Variants in MEIOSIN observed in about 807,000 individuals in gnomAD.
MEIOSIN encodes meiosis initiator.
A neutral mutation model predicts 23.4 loss-of-function variants in MEIOSIN; 18 were observed. That is an observed-to-expected ratio of 0.77 (90% confidence interval 0.53 to 1.14). The LOEUF is 1.14. MEIOSIN is among the 50% of genes most tolerant of loss of function. MEIOSIN has a pLI of 0.00. For synonymous variants in MEIOSIN, 187 were observed against 100.6 expected (o/e 1.86, Z -5.14); for missense variants, 428 against 242.9 (o/e 1.76, Z -5.07).
Position 45,764,461 on chromosome 19 carries a change from A to G in MEIOSIN, c.*343A>G, listed in dbSNP as rs1409139399. 7.9e-6 allele frequency: 2 copies of G among 253,392 alleles called. No homozygotes were observed. The highest frequency in any genetic ancestry group is 2.3e-5 in the African/African-American group (1 of 43,274). The allele number at this position is 253,392 out of a possible 1,614,324, so 15.7% of individuals were successfully genotyped here. A position where few individuals can be genotyped will look rare whatever the true frequency, so the allele number is the denominator to read the frequency against. On this transcript the variant is annotated 3_prime_UTR_variant, in exon 15 of 15. Coordinates refer to ENST00000457052, the MANE Select transcript of MEIOSIN (RefSeq NM_001310124.2). The stretch of plus-strand genomic sequence containing the variant: ...ACCCTGTTCATGCTCACCTCACCCT[A>G]CTCCTCCCTCTCCTGTTCTATTTTT...
chr19:45,755,260 C>G (rs1023394937), intron 7 of MEIOSIN, among the ~76,000 whole-genome samples: 7 of 150,734 alleles, frequency 4.6e-5, no homozygotes, highest in African/African-American at 1.7e-4. Flanking sequence ...AGCGACTCTC[C>G]TGCCTCAGTC....
chr19:45,742,508 G>A (rs28535061), intron 3 of MEIOSIN, among the ~76,000 whole-genome samples: 3,006 of 151,916 alleles, frequency 0.02, 96 homozygotes, highest in African/African-American at 0.069. Context: ...GGCCAGGCGC[G>A]GTGGCTCACG....
Position 45,735,460 on chromosome 19 carries a change from C to A in MEIOSIN, c.71+13C>A. On this transcript the variant is annotated intron_variant, in intron 2 of 14. Coordinates refer to ENST00000457052, the MANE Select transcript of MEIOSIN (RefSeq NM_001310124.2). ...GTCCCAGTGACAGGTAAGGGCTTGCCCCATCTCCCTTATAGCCCCAGCCAC... is the reference window on the plus strand; with the variant it reads ...GTCCCAGTGACAGGTAAGGGCTTGCACCATCTCCCTTATAGCCCCAGCCAC... 1 of 700,860 alleles carries A rather than the reference C, an allele frequency of 1.4e-6. No individual in the cohort carries two copies. 43.4% of individuals were successfully genotyped at this position (700,860 alleles called of 1,614,324 possible). A position where few individuals can be genotyped will look rare whatever the true frequency, so the allele number is the denominator to read the frequency against.
chr19:45,739,228 G>A lies in MEIOSIN; in HGVS notation c.72-398G>A, dbSNP rs532195904. ...GAGTGCAGTGGCATGATAGCTCAGCGCAACCTCCGCCTCCTGGGTTCAAGG... is the reference window on the plus strand; with the variant it reads ...GAGTGCAGTGGCATGATAGCTCAGCACAACCTCCGCCTCCTGGGTTCAAGG... On this transcript the variant is annotated intron_variant, in intron 2 of 14. Coordinates refer to ENST00000457052, the MANE Select transcript of MEIOSIN (RefSeq NM_001310124.2). Among the ~76,000 whole-genome samples, 29 of 152,122 alleles carry A rather than the reference G, an allele frequency of 1.9e-4. No homozygotes were observed. In the South Asian group the frequency reaches 5.8e-3, roughly 31 times the overall value.
At chr19:45,763,528 G>A (rs1968991583) in intron 14 of MEIOSIN, 101 bp downstream of exon 14, 1 of 397,738 alleles carries the variant, frequency 2.5e-6, no homozygotes, top group African/African-American at 2.1e-5. Context: ...TGGCATGGGA[G>A]ACTGGGCCGA....
chr19:45,759,970 T>G (rs1968908465), intron 11 of MEIOSIN, among the ~76,000 whole-genome samples: 1 of 151,748 alleles, frequency 6.6e-6, no homozygotes. Context: ...CCCGGCTAAT[T>G]GTGTATTTTT....
intron 5 of MEIOSIN, among the ~76,000 whole-genome samples, chr19:45,752,880 TCTC>T (rs1968740546): frequency 6.6e-6 from 1 of 150,726 alleles, no homozygotes; most frequent in African/African-American, 2.4e-5. Flanking sequence ...GCGCGTGTCT[TCTC>T]ATGCCTGCAA....
chr19:45,738,130 T>C (rs1968439608), intron 2 of MEIOSIN, among the ~76,000 whole-genome samples: 1 of 152,180 alleles, frequency 6.6e-6, no homozygotes, highest in Non-Finnish European at 1.5e-5. Flanking sequence ...AGAGGGAATT[T>C]TCACAGCAGA....
intron 2 of MEIOSIN, among the ~76,000 whole-genome samples, chr19:45,738,998 T>C (rs1352551757): frequency 6.6e-6 from 1 of 152,122 alleles, no homozygotes; most frequent in African/African-American, 2.4e-5. Context: ...ATTTATTGGA[T>C]CATTTAAACA....
chr19:45,746,967 G>A (rs10418603), intron 4 of MEIOSIN, among the ~76,000 whole-genome samples: 68 of 152,168 alleles, frequency 4.5e-4, no homozygotes, highest in Middle Eastern at 6.8e-3. Context: ...TACAGTCCAC[G>A]ATGGTGCTAA....
At chr19:45,760,836 G>A (rs1415012667) in intron 11 of MEIOSIN, among the ~76,000 whole-genome samples, 6 of 151,174 alleles carry the variant, frequency 4.0e-5, no homozygotes, top group Non-Finnish European at 7.4e-5. Flanking sequence ...TCTGAGGCAG[G>A]AGAATCACTT....
intron 9 of MEIOSIN, among the ~76,000 whole-genome samples, chr19:45,757,670 A>C (rs1333930037): frequency 6.6e-6 from 1 of 151,814 alleles, no homozygotes; most frequent in Non-Finnish European, 1.5e-5. Flanking sequence ...ACAGGTGCCC[A>C]CCACCATGCC....
Position 45,739,678 on chromosome 19 carries a change from G to C in MEIOSIN, c.124G>C (p.Glu42Gln), listed in dbSNP as rs776464097. The change falls in exon 3 of 15, where the codon GAA becomes CAA. Residue 42 changes from glutamate to glutamine, a missense_variant. Glu to Gln is a conservative substitution (Grantham distance 29, BLOSUM62 2). Transcript: ENST00000457052. ...AGGGGAAGATAAGGTCAACCCCTCC[G>C]AACCACATGGACTGAGAATGGAGGA... ...VEGEDKVNPSEPHGLRMEEKW... is the reference protein window; with the variant it reads ...VEGEDKVNPSQPHGLRMEEKW... 3.8e-5 allele frequency: 27 copies of C among 703,290 alleles called. No homozygotes were observed. Among genetic ancestry groups the C allele is most frequent in the Non-Finnish European group, 2.9e-5 (11 of 385,094 alleles). The allele number at this position is 703,290 out of a possible 1,614,324, so 43.6% of individuals were successfully genotyped here.
chr19:45,745,334 G>C lies in MEIOSIN; in HGVS notation c.306+13G>C. On this transcript the variant is annotated intron_variant, in intron 4 of 14. Transcript: ENST00000457052. ...GAAGCTCACAAAGGTACAGGGACTA[G>C]AGGAGAGGGGCCAGATTTGGGACGC... The C allele has an allele frequency of 1.4e-6, 1 of 698,888 alleles. No individual in the cohort carries two copies. Among genetic ancestry groups the C allele is most frequent in the Non-Finnish European group, 2.6e-6 (1 of 383,380 alleles). 43.3% of individuals were successfully genotyped at this position (698,888 alleles called of 1,614,324 possible).
chr19:45,753,911 C>T lies in MEIOSIN; in HGVS notation c.556+123C>T, dbSNP rs184096813. ...CCCTGTGCCGGGGTTCAACTCCCAG[C>T]TCCTCCTTGTATTAGCACTGAGGCC... On this transcript the variant is annotated intron_variant, in intron 6 of 14. Transcript: ENST00000457052. The T allele has an allele frequency of 3.6e-5, 22 of 603,410 alleles. 1 individual carries two copies. The African/African-American group carries it at 3.7e-4, about 10-fold the overall frequency. 37.4% of individuals were successfully genotyped at this position (603,410 alleles called of 1,614,324 possible).
chr19:45,747,260 G>C (rs1377553552), intron 4 of MEIOSIN, among the ~76,000 whole-genome samples: 2 of 152,150 alleles, frequency 1.3e-5, no homozygotes, highest in African/African-American at 4.8e-5. Context: ...CAGACAACCC[G>C]CATCCCGGGG....
intron 4 of MEIOSIN, among the ~76,000 whole-genome samples, chr19:45,745,850 G>A (rs1489387713): frequency 6.6e-6 from 1 of 152,182 alleles, no homozygotes; most frequent in African/African-American, 2.4e-5. Context: ...GGGATTACAG[G>A]CGTTAGCCAC....
chr19:45,754,953 A>T (rs945004661), intron 7 of MEIOSIN, among the ~76,000 whole-genome samples: 12 of 152,136 alleles, frequency 7.9e-5, no homozygotes, highest in African/African-American at 2.9e-4. Flanking sequence ...TGGGCTTCCC[A>T]TCACAGAACC....
intron 4 of MEIOSIN, among the ~76,000 whole-genome samples, chr19:45,746,664 A>G (rs1347030977): frequency 6.6e-6 from 1 of 152,036 alleles, no homozygotes; most frequent in African/African-American, 2.4e-5. Flanking sequence ...TACTAAAAAT[A>G]CAACCAATTA....
Sources: allele counts gnomAD v4.1 joint callset (sites outside exome capture counted in the v4.1 genomes callset), GRCh38; gene constraint gnomAD v4.1.1; transcripts MANE v1.5; gene names NCBI Gene and HGNC (gene_info 2026-07-23, HGNC 2026-07-21).